The following FMNL3 variants were observed in gnomAD, a reference collection of about 807,000 sequenced individuals.
The protein encoded by FMNL3 is formin-like protein 3.
In FMNL3, 57 loss-of-function variants were observed where a neutral mutation model predicts 119.6. That is an observed-to-expected ratio of 0.48 (90% confidence interval 0.39 to 0.59). The LOEUF (loss-of-function observed/expected upper bound fraction) is 0.59, where lower values mean the gene tolerates loss of function less well. Among genes scored for constraint, FMNL3 ranks in the 20% least tolerant of loss-of-function variants. FMNL3 has a pLI of 0.00. For synonymous variants in FMNL3, 491 were observed against 507.3 expected (o/e 0.97, Z 0.43); for missense variants, 1,053 against 1,323.5 (o/e 0.80, Z 3.17).
intron 1 of FMNL3, among the ~76,000 whole-genome samples, chr12:49,673,761 G>A (rs1022488984): frequency 1.3e-5 from 2 of 152,240 alleles, no homozygotes; most frequent in Admixed American, 6.5e-5. Flanking sequence ...CACCCAGCCC[G>A]CCCAGACGGC....
chr12:49,643,323 C>T lies in FMNL3; in HGVS notation c.*2492G>A. On this transcript the variant is annotated 3_prime_UTR_variant, in exon 26 of 26. Coordinates refer to ENST00000335154, the MANE Select transcript of FMNL3 (RefSeq NM_175736.5). Reference sequence around the variant, plus strand: ...GAGTCAGGCTCTGAGCCCTCTTCCTCACTTGATTCAGTTGAAAGTGGGGGT... The same window carrying T: ...GAGTCAGGCTCTGAGCCCTCTTCCTTACTTGATTCAGTTGAAAGTGGGGGT... The T allele has an allele frequency of 6.2e-7, 1 of 1,608,674 alleles. No homozygotes were observed. The highest frequency in any genetic ancestry group is 8.5e-7 in the Non-Finnish European group (1 of 1,177,740).
chr12:49,684,977 T>A (rs576725040), intron 1 of FMNL3, among the ~76,000 whole-genome samples: 19 of 152,332 alleles, frequency 1.2e-4, no homozygotes, highest in Admixed American at 1.1e-3. Flanking sequence ...TCTTTCCTGG[T>A]CAGATATCTC....
intron 25 of FMNL3, among the ~76,000 whole-genome samples, chr12:49,646,459 C>T (rs1351150478): frequency 2.6e-5 from 4 of 152,186 alleles, no homozygotes; most frequent in African/African-American, 9.7e-5. Flanking sequence ...TCCCTAAGGA[C>T]ACATGCAGGG....
intron 1 of FMNL3, among the ~76,000 whole-genome samples, chr12:49,671,687 G>A (rs544064351): frequency 1.3e-5 from 2 of 152,344 alleles, no homozygotes; most frequent in East Asian, 3.9e-4. Context: ...AACTTCCTGA[G>A]TTCCGGGGAC....
At chr12:49,668,898 A>C (rs7952734) in intron 1 of FMNL3, among the ~76,000 whole-genome samples, 26,698 of 152,210 alleles carry the variant, frequency 0.18, 3,369 homozygotes, top group African/African-American at 0.37. Flanking sequence ...TTATGTATAT[A>C]AACAAATATG....
intron 1 of FMNL3, among the ~76,000 whole-genome samples, chr12:49,673,604 G>A (rs1944103554): frequency 6.6e-6 from 1 of 152,288 alleles, no homozygotes; most frequent in African/African-American, 2.4e-5. Flanking sequence ...GCCCAAGGAG[G>A]TGGGAGGTAC....
At chr12:49,673,766 G>C (rs117085524) in intron 1 of FMNL3, among the ~76,000 whole-genome samples, 2,397 of 152,386 alleles carry the variant, frequency 0.016, 26 homozygotes, top group Middle Eastern at 0.02. Flanking sequence ...AGCCCGCCCA[G>C]ACGGCAGGCC....
chr12:49,636,992 C>A lies in FMNL3; in HGVS notation c.*8823G>T. 1 of 1,242,316 alleles carries A rather than the reference C, an allele frequency of 8.0e-7. No homozygotes were observed. The highest frequency in any genetic ancestry group is 1.1e-6 in the Non-Finnish European group (1 of 896,236). The allele number at this position is 1,242,316 out of a possible 1,614,324, so 77.0% of individuals were successfully genotyped here. A position where few individuals can be genotyped will look rare whatever the true frequency, so the allele number is the denominator to read the frequency against. ...CAAGCTCTATGAGACCTCTCTCTGCCTGCAGTCTGTTTCTGCTGTACCTCC... is the reference window on the plus strand; with the variant it reads ...CAAGCTCTATGAGACCTCTCTCTGCATGCAGTCTGTTTCTGCTGTACCTCC... On this transcript the variant is annotated 3_prime_UTR_variant, in exon 26 of 26. Transcript: ENST00000335154.
At chr12:49,657,286 G>T in intron 6 of FMNL3, 96 bp from the exon 7 acceptor site, 1 of 922,194 alleles carries the variant, frequency 1.1e-6, no homozygotes, top group Non-Finnish European at 1.7e-6. Context: ...CTGCCCCTTA[G>T]CAGTGGCAAA....
At chr12:49,693,664 T>TTTTTTTTTTTTTTTTTTTTTTG in intron 1 of FMNL3, among the ~76,000 whole-genome samples, 1 of 142,702 alleles carries the variant, frequency 7.0e-6, no homozygotes, top group Non-Finnish European at 1.5e-5. Flanking sequence ...TTTTTTTTTT[T>TTTTTTTTTTTTTTTTTTTTTTG]TGAGACAGAG....
At chr12:49,668,395 A>T in intron 2 of FMNL3, 76 bp downstream of exon 2, 1 of 1,405,230 alleles carries the variant, frequency 7.1e-7, no homozygotes, top group Non-Finnish European at 1.0e-6. Context: ...GGCTGCACTC[A>T]ATGCCTTTGG....
Position 49,637,313 on chromosome 12 carries a change from C to T in FMNL3, c.*8502G>A, listed in dbSNP as rs1321103162. The T allele has an allele frequency of 1.3e-5, 8 of 617,016 alleles. No individual in the cohort carries two copies. The highest frequency in any genetic ancestry group is 2.7e-5 in the Admixed American group (1 of 36,824). The allele number at this position is 617,016 out of a possible 1,614,324, so 38.2% of individuals were successfully genotyped here. ...TTCTCTCTTTTTGCATTGTTCTCAG[C>T]CTTCCATCTGCATCTCTTCATCTCT... On this transcript the variant is annotated 3_prime_UTR_variant, in exon 26 of 26. Coordinates refer to ENST00000335154, the MANE Select transcript of FMNL3 (RefSeq NM_175736.5).
In FMNL3 at chr12:49,642,907, CCTT is replaced by C. The variant is rs1183553689; in HGVS notation, c.*2905_*2907del. ...GGGCTAAGTCTGGTGCTGTCCTCAC[CCTT>C]CTTCCTCTGCCTCTAGCAGACTGAA... On this transcript the variant is annotated 3_prime_UTR_variant, in exon 26 of 26. Transcript: ENST00000335154. The surrounding 1 kb of genome is among the most constrained non-coding windows in gnomAD (Gnocchi z 5.8). The C allele has an allele frequency of 5.0e-6, 8 of 1,605,512 alleles. No individual in the cohort carries two copies. The South Asian group carries it at 8.9e-5, about 18-fold the overall frequency.
chr12:49,660,024 G>T, intron 5 of FMNL3: 1 of 933,168 alleles, frequency 1.1e-6, no homozygotes, highest in Non-Finnish European at 1.3e-6. Flanking sequence ...AGGCTTTAGT[G>T]TCCTCATGAT....
chr12:49,650,869 G>T lies in FMNL3; in HGVS notation c.1807C>A (p.Leu603Ile). 1.9e-6 allele frequency: 3 copies of T among 1,614,150 alleles called. No homozygotes were observed. Among genetic ancestry groups the T allele is most frequent in the Non-Finnish European group, 2.5e-6 (3 of 1,180,030 alleles). Residue 603 changes from leucine (L) to isoleucine (I), a missense_variant, in exon 17 of 26, where the codon CTT (leucine) becomes ATT (isoleucine). By Grantham distance (5) the Leu-to-Ile change is conservative (BLOSUM62 2). Transcript: ENST00000335154. Reference protein sequence around the residue: ...DDEKILEDLDLDKFEELFKTK... With the variant: ...DDEKILEDLDIDKFEELFKTK... Reference sequence around the variant, plus strand: ...TTGAATAATTCTTCAAACTTATCAAGATCCAGGTCCTGGCAGGAATAGGTG... The same window carrying T: ...TTGAATAATTCTTCAAACTTATCAATATCCAGGTCCTGGCAGGAATAGGTG...
At chr12:49,655,189 T>C (rs1321717152) in intron 9 of FMNL3, among the ~76,000 whole-genome samples, 2 of 152,170 alleles carry the variant, frequency 1.3e-5, no homozygotes, top group Non-Finnish European at 2.9e-5. Flanking sequence ...CCCAGCACTT[T>C]GGGAGGCCGA....
chr12:49,651,562 C>A, intron 14 of FMNL3, 112 bp from the exon 15 acceptor site: 1 of 890,114 alleles, frequency 1.1e-6, no homozygotes, highest in Non-Finnish European at 1.6e-6. Flanking sequence ...AAAAAACTCT[C>A]AGAGAAGGAG....
At chr12:49,678,937 A>C (rs1476081460) in intron 1 of FMNL3, among the ~76,000 whole-genome samples, 1 of 152,220 alleles carries the variant, frequency 6.6e-6, no homozygotes, top group Non-Finnish European at 1.5e-5. Flanking sequence ...AGTATGTATA[A>C]GGAAATTACA....
chr12:49,699,292 C>T (rs1041499458), intron 1 of FMNL3, among the ~76,000 whole-genome samples: 1 of 152,164 alleles, frequency 6.6e-6, no homozygotes, highest in Non-Finnish European at 1.5e-5. Flanking sequence ...ACCAGGACCC[C>T]GGCTCTGCCC....
Sources: gnomAD v4.1 joint callset for allele counts (sites outside exome capture counted in the v4.1 genomes callset) on GRCh38, gnomAD v4.1.1 for gene constraint, Gnocchi (gnomAD v3.1) non-coding constraint, MANE v1.5 for transcripts, NCBI Gene and HGNC (gene_info 2026-07-23, HGNC 2026-07-21) for gene names.